IQSEC1: variants seen among roughly 807,000 people sequenced by gnomAD.
The protein encoded by IQSEC1 is IQ motif and Sec7 domain ArfGEF 1, also known as IQ motif and SEC7 domain-containing protein 1.
In IQSEC1, 31 loss-of-function variants were observed where a neutral mutation model predicts 91.0. The ratio of observed to expected loss-of-function variants is 0.34; its 90% CI spans 0.26 to 0.46. IQSEC1 has a LOEUF of 0.46. Ranked by LOEUF, IQSEC1 falls within the 20% of genes least tolerant of loss-of-function variation. IQSEC1 has a pLI of 1.00. For synonymous variants in IQSEC1, 699 were observed against 662.6 expected, an observed-to-expected ratio of 1.05 and a Z score of -0.84; for missense variants, 1,388 against 1,575.6, an observed-to-expected ratio of 0.88 and a Z score of 2.02.
chr3:12,967,382 C>A lies in IQSEC1; in HGVS notation c.24-25517G>T. 6.5e-7 allele frequency: 1 copy of A among 1,534,144 alleles called. No homozygotes were observed. ...AAGGCCGCTCGCCCCGCGCCGCGCC[C>A]TCACCCGCTGTCAAGCTCTAGCTCC... On this transcript the variant is annotated intron_variant, in intron 1 of 13. Coordinates refer to ENST00000613206, the MANE Select transcript of IQSEC1 (RefSeq NM_001134382.3). The surrounding 1 kb of genome is among the most constrained non-coding windows in gnomAD (Gnocchi z 5.9).
chr3:12,963,943 T>C (rs1700397193), intron 1 of IQSEC1, among the ~76,000 whole-genome samples: 1 of 152,258 alleles, frequency 6.6e-6, no homozygotes, highest in Non-Finnish European at 1.5e-5. Flanking sequence ...AACACCTGCA[T>C]TTATGGATGC....
chr3:13,076,687 C>T (rs1483669694), upstream of IQSEC1, among the ~76,000 whole-genome samples: 2 of 152,258 alleles, frequency 1.3e-5, no homozygotes, highest in South Asian at 2.1e-4. Context: ...ACTGCAAAGC[C>T]GTCAACACTC....
rs1306096995 is a variant in IQSEC1 at position 12,913,506 on chromosome 3, A to T, written c.2238T>A (p.Phe746Leu). The T allele has an allele frequency of 6.2e-7, 1 of 1,608,352 alleles. No homozygotes were observed. The change falls in exon 9 of 14, where the codon TTT (phenylalanine) becomes TTA (leucine). Residue 746 changes from phenylalanine to leucine, a missense_variant. By Grantham distance (22) the Phe-to-Leu change is conservative (BLOSUM62 0). Transcript: ENST00000613206. ...GGGGCTTGTTTGGGTCTGGAACCTCAAAGAGCCGGCAGTAGCAGACCAACC... is the reference window on the plus strand; with the variant it reads ...GGGGCTTGTTTGGGTCTGGAACCTCTAAGAGCCGGCAGTAGCAGACCAACC... ...HRRLVCYCRL[F>L]EVPDPNKPQK...
At chr3:13,251,857 G>A (rs1695198542) in intron 1 of IQSEC1, among the ~76,000 whole-genome samples, 1 of 152,198 alleles carries the variant, frequency 6.6e-6, no homozygotes, top group African/African-American at 2.4e-5. Flanking sequence ...CCAGGCAGGA[G>A]GTTCCACAAA....
At chr3:13,110,084 G>C (rs1576254454) in intron 2 of IQSEC1, among the ~76,000 whole-genome samples, 1 of 151,460 alleles carries the variant, frequency 6.6e-6, no homozygotes. Context: ...GGTTTCCCAT[G>C]TTGGCCAGGC....
At chr3:13,027,693 G>T (rs918237832) in intron 1 of IQSEC1, among the ~76,000 whole-genome samples, 20 of 152,164 alleles carry the variant, frequency 1.3e-4, no homozygotes, top group African/African-American at 4.8e-4. Context: ...CATCCACGGT[G>T]ACAGGGACAC....
intron 3 of IQSEC1, among the ~76,000 whole-genome samples, chr3:12,931,796 G>C (rs966165637): frequency 1.2e-4 from 19 of 152,340 alleles, no homozygotes; most frequent in African/African-American, 4.6e-4. Context: ...TGGGCGCCGA[G>C]TGTAGGGGAG....
rs141281291 is a variant in IQSEC1, at chr3:13,215,612, A to C, written c.273-51479T>G. Among the ~76,000 whole-genome samples the C allele has an allele frequency of 1.9e-3, 292 of 152,308 alleles. 2 individuals are homozygous for C. Among genetic ancestry groups the C allele is most frequent in the Middle Eastern group, 0.01 (3 of 294 alleles). ...GGGAGGCAAAGTTGCACAGATAATA[A>C]AACACCAGGGCATTACCAAATCTTC... On this transcript the variant is annotated intron_variant, in intron 1 of 15. Transcript: ENST00000648114.
At chr3:13,227,048 G>C (rs1434611340) in intron 1 of IQSEC1, among the ~76,000 whole-genome samples, 4 of 152,014 alleles carry the variant, frequency 2.6e-5, no homozygotes, top group Non-Finnish European at 4.4e-5. Flanking sequence ...TGCCACTGTA[G>C]TCCAGCCTGG....
chr3:13,104,721 T>TCAC (rs890329482), intron 2 of IQSEC1, among the ~76,000 whole-genome samples: 1 of 152,172 alleles, frequency 6.6e-6, no homozygotes, highest in African/African-American at 2.4e-5. Context: ...CCCTTCCTCT[T>TCAC]CACCCCTCAC....
At chr3:13,161,468 C>T (rs1422858925) in intron 2 of IQSEC1, among the ~76,000 whole-genome samples, 1 of 152,186 alleles carries the variant, frequency 6.6e-6, no homozygotes, top group Non-Finnish European at 1.5e-5. Flanking sequence ...ACTCTCTGTC[C>T]AGAGGGTGGG....
chr3:12,901,877 C>T (rs918135933), intron 13 of IQSEC1, among the ~76,000 whole-genome samples: 1 of 152,256 alleles, frequency 6.6e-6, no homozygotes, highest in African/African-American at 2.4e-5. Flanking sequence ...GGTGTCTGTG[C>T]GCTGTGTGTG....
chr3:13,062,740 T>C (rs1045495381), intron 1 of IQSEC1, among the ~76,000 whole-genome samples: 2 of 152,136 alleles, frequency 1.3e-5, no homozygotes, highest in African/African-American at 4.8e-5. Flanking sequence ...CTCGGTGTTA[T>C]CGTGGGGCCA....
intron 1 of IQSEC1, among the ~76,000 whole-genome samples, chr3:13,037,568 T>C (rs1704081912): frequency 6.6e-6 from 1 of 152,176 alleles, no homozygotes; most frequent in African/African-American, 2.4e-5. Context: ...ACACCCATGT[T>C]CATAGCAGCA....
chr3:12,922,262 C>A lies in IQSEC1; in HGVS notation c.1731-20G>T. The A allele has an allele frequency of 6.4e-7, 1 of 1,558,948 alleles. No homozygotes were observed. The highest frequency in any genetic ancestry group is 8.7e-7 in the Non-Finnish European group (1 of 1,142,958). On this transcript the variant is annotated intron_variant, in intron 4 of 13. Transcript: ENST00000613206. This position sits in a 1 kb window ranked among gnomAD's most constrained non-coding sequence, Gnocchi z 5.1. ...ACGCAGCTGGAATAGAGACAGACAG[C>A]CCCGCATAAGCACCCCTTGCAGGTG...
chr3:13,118,889 A>G (rs1050047589), intron 2 of IQSEC1, among the ~76,000 whole-genome samples: 2 of 152,176 alleles, frequency 1.3e-5, no homozygotes, highest in South Asian at 2.1e-4. Context: ...CCTGGACAAC[A>G]TGGTGAAACC....
chr3:13,107,829 C>A (rs1183918876), intron 2 of IQSEC1, among the ~76,000 whole-genome samples: 2 of 152,214 alleles, frequency 1.3e-5, no homozygotes, highest in African/African-American at 2.4e-5. Flanking sequence ...AAAATCAGGC[C>A]AGCCATACAT....
intron 2 of IQSEC1, among the ~76,000 whole-genome samples, chr3:13,117,381 T>C (rs1372367645): frequency 6.7e-6 from 1 of 148,604 alleles, no homozygotes; most frequent in East Asian, 2.0e-4. Context: ...GGTCAGGAGA[T>C]CGAGATCATC....
intron 1 of IQSEC1, among the ~76,000 whole-genome samples, chr3:12,990,501 G>T (rs1179472816): frequency 1.3e-5 from 2 of 152,200 alleles, no homozygotes; most frequent in Admixed American, 6.5e-5. Flanking sequence ...GCAGGCCAGG[G>T]TTACCTTCTA....
Sources: gnomAD v4.1 joint callset for allele counts (sites outside exome capture counted in the v4.1 genomes callset) on GRCh38, gnomAD v4.1.1 for gene constraint, Gnocchi (gnomAD v3.1) non-coding constraint, MANE v1.5 for transcripts, NCBI Gene and HGNC (gene_info 2026-07-23, HGNC 2026-07-21) for gene names.